KCNAB1: variants seen among roughly 807,000 people sequenced by gnomAD.
KCNAB1 encodes voltage-gated potassium channel subunit beta-1.
Under a neutral mutation model 64.6 loss-of-function variants are expected in KCNAB1, and 35 were observed. That is an observed-to-expected ratio of 0.54 (90% CI 0.41 to 0.72). The LOEUF (loss-of-function observed/expected upper bound fraction) is 0.72, where lower values mean the gene tolerates loss of function less well. Ranked by LOEUF, KCNAB1 falls within the 30% of genes least tolerant of loss-of-function variation. The pLI, the probability that KCNAB1 is intolerant of heterozygous loss-of-function variation, is 0.00. For missense variants in KCNAB1, 401 were observed against 512.9 expected, an observed-to-expected ratio of 0.78 and a Z score of 2.11; for synonymous variants, 177 against 183.8, an observed-to-expected ratio of 0.96 and a Z score of 0.30.
At chr3:156,431,082 C>T (rs1430024497) in intron 2 of KCNAB1, among the ~76,000 whole-genome samples, 16 of 152,120 alleles carry the variant, frequency 1.1e-4, no homozygotes, top group Admixed American at 1.0e-3. Context: ...AGTAAGGATG[C>T]AATTGAGTGC....
In KCNAB1 at chr3:156,538,418, C is replaced by T. The variant is rs1719214995; in HGVS notation, c.*1671C>T. On this transcript the variant is annotated 3_prime_UTR_variant, in exon 14 of 14. Coordinates refer to ENST00000490337, the MANE Select transcript of KCNAB1 (RefSeq NM_172160.3). ...TTGATTACTAGTACCTGTATTCTAACAGAGAGTTTGAATTTTTTGCCCGTG... is the reference window on the plus strand; with the variant it reads ...TTGATTACTAGTACCTGTATTCTAATAGAGAGTTTGAATTTTTTGCCCGTG... 6.6e-6 allele frequency: 1 copy of T among 152,114 alleles called. No homozygotes were observed. Among genetic ancestry groups the T allele is most frequent in the Admixed American group, 6.5e-5 (1 of 15,274 alleles). The allele number at this position is 152,114 out of a possible 1,614,324, so 9.4% of individuals were successfully genotyped here.
intron 1 of KCNAB1, chr3:156,176,173 A>G: frequency 1.3e-6 from 1 of 773,612 alleles, no homozygotes; most frequent in South Asian, 1.3e-5. Flanking sequence ...ATTGGACAAG[A>G]GATAAGAACC....
chr3:156,167,459 CT>C (rs1335092451), intron 1 of KCNAB1, among the ~76,000 whole-genome samples: 1 of 152,212 alleles, frequency 6.6e-6, no homozygotes, highest in African/African-American at 2.4e-5. Context: ...AACAGTGCTA[CT>C]GTTTTAAGCA....
intron 8 of KCNAB1, among the ~76,000 whole-genome samples, chr3:156,477,514 C>T (rs1255931724): frequency 6.6e-6 from 1 of 152,138 alleles, no homozygotes; most frequent in African/African-American, 2.4e-5. Context: ...GCCAATCAAC[C>T]TCTGAGGCTT....
intron 1 of KCNAB1, among the ~76,000 whole-genome samples, chr3:156,158,874 A>T (rs1025606321): frequency 1.3e-5 from 2 of 152,212 alleles, no homozygotes; most frequent in African/African-American, 4.8e-5. Context: ...GCTCTGGCTT[A>T]TGATTCTTTA....
chr3:156,472,426 G>A (rs1035533245), intron 7 of KCNAB1, among the ~76,000 whole-genome samples: 4 of 152,040 alleles, frequency 2.6e-5, no homozygotes, highest in African/African-American at 7.3e-5. Flanking sequence ...CTCCTCACTC[G>A]ACCCTCCCCA....
At chr3:156,357,693 C>T (rs916401879) in intron 1 of KCNAB1, among the ~76,000 whole-genome samples, 1 of 151,696 alleles carries the variant, frequency 6.6e-6, no homozygotes, top group African/African-American at 2.4e-5. Flanking sequence ...ATTTTATTTA[C>T]CCACTGTATC....
At chr3:156,359,603 AC>A (rs1275354240) in intron 1 of KCNAB1, among the ~76,000 whole-genome samples, 1 of 152,250 alleles carries the variant, frequency 6.6e-6, no homozygotes, top group Non-Finnish European at 1.5e-5. Flanking sequence ...CACCAAGAGA[AC>A]AATGAATGAT....
At chr3:156,531,528 G>A (rs1046982203) in intron 13 of KCNAB1, 31 bp downstream of exon 13, 1 of 1,469,444 alleles carries the variant, frequency 6.8e-7, no homozygotes, top group African/African-American at 1.4e-5. Context: ...CAACATCAGG[G>A]AATTTAATGG....
chr3:156,411,426 T>C (rs926578031), intron 1 of KCNAB1, among the ~76,000 whole-genome samples: 3 of 152,162 alleles, frequency 2.0e-5, no homozygotes, highest in African/African-American at 7.2e-5. Context: ...TCTAAAAACT[T>C]TGTCAAGCCC....
chr3:156,348,239 G>A (rs1466141058), intron 1 of KCNAB1, among the ~76,000 whole-genome samples: 2 of 152,124 alleles, frequency 1.3e-5, no homozygotes, highest in African/African-American at 2.4e-5. Flanking sequence ...AAGAGTGAGT[G>A]GAAGAACATC....
At chr3:156,197,786 A>G (rs1335152602) in intron 1 of KCNAB1, among the ~76,000 whole-genome samples, 4 of 151,992 alleles carry the variant, frequency 2.6e-5, no homozygotes, top group East Asian at 1.9e-4. Context: ...TCATGTCTCT[A>G]TCTCCTTTAG....
chr3:156,178,710 A>G (rs997095213), intron 1 of KCNAB1, among the ~76,000 whole-genome samples: 3 of 152,184 alleles, frequency 2.0e-5, no homozygotes, highest in African/African-American at 7.2e-5. Flanking sequence ...CTCAAGATTT[A>G]TTATTTTTTG....
intron 1 of KCNAB1, among the ~76,000 whole-genome samples, chr3:156,133,317 C>T (rs1560101404): frequency 6.6e-6 from 1 of 152,124 alleles, no homozygotes; most frequent in Non-Finnish European, 1.5e-5. Flanking sequence ...AATCTGTTTG[C>T]AATATTTTAC....
intron 8 of KCNAB1, among the ~76,000 whole-genome samples, chr3:156,483,104 C>G (rs1039896107): frequency 1.3e-5 from 2 of 152,104 alleles, no homozygotes; most frequent in African/African-American, 4.8e-5. Flanking sequence ...ACACAGTGCT[C>G]ATGTGACCTG....
chr3:156,473,893 C>T (rs1301395226), intron 7 of KCNAB1, among the ~76,000 whole-genome samples: 1 of 152,120 alleles, frequency 6.6e-6, no homozygotes, highest in Admixed American at 6.6e-5. Context: ...ACACTGTCAT[C>T]CTTTTGGTTG....
At chr3:156,202,845 A>AT (rs1576601843) in intron 1 of KCNAB1, among the ~76,000 whole-genome samples, 1 of 152,170 alleles carries the variant, frequency 6.6e-6, no homozygotes, top group Non-Finnish European at 1.5e-5. Context: ...CTAATAACAG[A>AT]TTTTTTAAAG....
At chr3:156,389,353 T>G (rs1400591674) in intron 1 of KCNAB1, among the ~76,000 whole-genome samples, 4 of 152,188 alleles carry the variant, frequency 2.6e-5, no homozygotes, top group Non-Finnish European at 5.9e-5. Flanking sequence ...TGGCTCCTTT[T>G]GCCTCCTTGG....
intron 7 of KCNAB1, among the ~76,000 whole-genome samples, chr3:156,472,716 C>T (rs990699518): frequency 1.3e-5 from 2 of 152,174 alleles, no homozygotes; most frequent in African/African-American, 4.8e-5. Flanking sequence ...GTTCCAGGTA[C>T]ATATTACGAC....
Sources: gnomAD v4.1 joint callset for allele counts (sites outside exome capture counted in the v4.1 genomes callset) on GRCh38, gnomAD v4.1.1 for gene constraint, MANE v1.5 for transcripts, NCBI Gene and HGNC (gene_info 2026-07-23, HGNC 2026-07-21) for gene names.